The following PPP1R16B variants were observed in gnomAD, a reference collection of about 807,000 sequenced individuals.
PPP1R16B encodes the protein protein phosphatase 1 regulatory inhibitor subunit 16B.
A neutral mutation model predicts 61.7 loss-of-function variants in PPP1R16B; 14 were observed. That is an observed-to-expected ratio of 0.23 (90% confidence interval 0.15 to 0.35). The LOEUF (loss-of-function observed/expected upper bound fraction) is 0.35, where lower values mean the gene tolerates loss of function less well. Among genes scored for constraint, PPP1R16B ranks in the 10% least tolerant of loss-of-function variants. The pLI is 1.00. For missense variants in PPP1R16B, 547 were observed against 752.5 expected (o/e 0.73, Z 3.19); for synonymous variants, 266 against 305.3 (o/e 0.87, Z 1.34).
intron 1 of PPP1R16B, among the ~76,000 whole-genome samples, chr20:38,809,592 T>G (rs2084684989): frequency 6.6e-6 from 1 of 152,042 alleles, no homozygotes; most frequent in African/African-American, 2.4e-5. Context: ...ACCTTGTAGC[T>G]GGGTGAGGAT....
intron 2 of PPP1R16B, among the ~76,000 whole-genome samples, chr20:38,841,809 C>T (rs952366918): frequency 1.3e-5 from 2 of 152,082 alleles, no homozygotes; most frequent in African/African-American, 4.8e-5. Context: ...ATAGATATTC[C>T]GCATTTTGTT....
chr20:38,911,130 G>A (rs2085485445), intron 10 of PPP1R16B, among the ~76,000 whole-genome samples: 1 of 151,604 alleles, frequency 6.6e-6, no homozygotes, highest in Admixed American at 6.6e-5. Context: ...ATAGGCACGA[G>A]CCACTGTACC....
chr20:38,891,996 T>G (rs1045357224), intron 3 of PPP1R16B, among the ~76,000 whole-genome samples: 1 of 152,168 alleles, frequency 6.6e-6, no homozygotes, highest in Non-Finnish European at 1.5e-5. Context: ...ATTTTGAAGT[T>G]TATTTAATTT....
chr20:38,897,136 A>T (rs1025455298), intron 4 of PPP1R16B, among the ~76,000 whole-genome samples: 25 of 151,940 alleles, frequency 1.6e-4, no homozygotes, highest in Non-Finnish European at 2.9e-4. Flanking sequence ...ACAAGAGCAA[A>T]ACTGCACCTC....
intron 2 of PPP1R16B, among the ~76,000 whole-genome samples, chr20:38,882,822 A>G (rs752273001): frequency 6.6e-6 from 1 of 152,186 alleles, no homozygotes; most frequent in Admixed American, 6.5e-5. Context: ...AAGGATGAAG[A>G]AGAGTTTGCC....
At chr20:38,900,712 G>A in intron 5 of PPP1R16B, 28 bp downstream of exon 5, 2 of 1,520,784 alleles carry the variant, frequency 1.3e-6, no homozygotes, top group Non-Finnish European at 1.8e-6. Context: ...GCTATGAAGT[G>A]AGCACAGCAC....
chr20:38,824,490 C>CT (rs1295767325), intron 1 of PPP1R16B, among the ~76,000 whole-genome samples: 18 of 152,302 alleles, frequency 1.2e-4, no homozygotes, highest in African/African-American at 4.3e-4. Context: ...TCTCCTTCTG[C>CT]TTTTTATGGG....
Position 38,835,819 on chromosome 20 carries a change from C to T in PPP1R16B, c.-101-6C>T. On this transcript the variant is annotated splice_region_variant and splice_polypyrimidine_tract_variant and intron_variant, in intron 1 of 10. Transcript: ENST00000299824. The stretch of plus-strand genomic sequence containing the variant: ...GTGTTCATCTGTGTCTCCCTCCCTG[C>T]CACAGGCCACACCATGAGGCCCCAG... 1 of 1,315,418 alleles carries T rather than the reference C, an allele frequency of 7.6e-7. No individual in the cohort carries two copies. Among genetic ancestry groups the T allele is most frequent in the Non-Finnish European group, 1.0e-6 (1 of 989,782 alleles). 81.5% of individuals were successfully genotyped at this position (1,315,418 alleles called of 1,614,324 possible).
intron 3 of PPP1R16B, among the ~76,000 whole-genome samples, chr20:38,890,728 G>T (rs2085285978): frequency 6.6e-6 from 1 of 152,196 alleles, no homozygotes; most frequent in Admixed American, 6.5e-5. Context: ...CTCAATATGT[G>T]CATGTTGAAT....
At chr20:38,904,174 A>G (rs1347289341) in intron 6 of PPP1R16B, among the ~76,000 whole-genome samples, 1 of 152,224 alleles carries the variant, frequency 6.6e-6, no homozygotes, top group Non-Finnish European at 1.5e-5. Context: ...GGGGTCAGGT[A>G]GGAAGTCTGA....
intron 1 of PPP1R16B, among the ~76,000 whole-genome samples, chr20:38,825,011 C>T (rs1388183704): frequency 6.6e-6 from 1 of 152,216 alleles, no homozygotes; most frequent in East Asian, 1.9e-4. Context: ...AATTCTATAC[C>T]AACTACTTCC....
chr20:38,851,725 T>C (rs1335694599), intron 2 of PPP1R16B, among the ~76,000 whole-genome samples: 1 of 150,986 alleles, frequency 6.6e-6, no homozygotes, highest in Non-Finnish European at 1.5e-5. Flanking sequence ...ATGGTGTTAT[T>C]ATAAAGAAGG....
intron 1 of PPP1R16B, among the ~76,000 whole-genome samples, chr20:38,817,350 G>A (rs550604812): frequency 2.0e-5 from 3 of 151,930 alleles, no homozygotes; most frequent in Admixed American, 1.3e-4. Flanking sequence ...ATCACCTTAG[G>A]TCAGGAGTTC....
At chr20:38,854,732 G>A (rs1347193740) in intron 2 of PPP1R16B, among the ~76,000 whole-genome samples, 1 of 152,162 alleles carries the variant, frequency 6.6e-6, no homozygotes, top group Non-Finnish European at 1.5e-5. Context: ...GGAGGGGAGT[G>A]GGTCACCGTG....
chr20:38,891,300 C>T (rs1238667151), intron 3 of PPP1R16B, among the ~76,000 whole-genome samples: 1 of 152,164 alleles, frequency 6.6e-6, no homozygotes, highest in African/African-American at 2.4e-5. Flanking sequence ...GTTTCCTCAT[C>T]TCTAAAAGAG....
At chr20:38,831,619 G>A (rs754026163) in intron 1 of PPP1R16B, among the ~76,000 whole-genome samples, 1 of 151,856 alleles carries the variant, frequency 6.6e-6, no homozygotes, top group Admixed American at 6.5e-5. Flanking sequence ...GAGCGTATGT[G>A]CCCTATCTAA....
chr20:38,900,789 G>A (rs995077661), intron 5 of PPP1R16B, 105 bp downstream of exon 5: 9 of 780,370 alleles, frequency 1.2e-5, no homozygotes, highest in East Asian at 3.2e-5. Flanking sequence ...GGCCTGCCTC[G>A]TGCGCTGTGC....
At position 38,921,193 on chromosome 20, in the gene PPP1R16B, G is replaced by C. The variant is rs762126613; in HGVS notation, c.*2527G>C. 2.0e-5 allele frequency: 3 copies of C among 152,190 alleles called. No individual in the cohort carries two copies. The highest frequency in any genetic ancestry group is 4.4e-5 in the Non-Finnish European group (3 of 68,044). 9.4% of individuals were successfully genotyped at this position (152,190 alleles called of 1,614,324 possible). A position where few individuals can be genotyped will look rare whatever the true frequency, so the allele number is the denominator to read the frequency against. On this transcript the variant is annotated 3_prime_UTR_variant, in exon 11 of 11. Coordinates refer to ENST00000299824, the MANE Select transcript of PPP1R16B (RefSeq NM_015568.4). Reference sequence around the variant, plus strand: ...GCATTGGCTCATGTTTTCAGCCAGGGATAAACCATCCCTTCTTGGGGCTTT... The same window carrying C: ...GCATTGGCTCATGTTTTCAGCCAGGCATAAACCATCCCTTCTTGGGGCTTT...
intron 1 of PPP1R16B, among the ~76,000 whole-genome samples, chr20:38,815,361 C>G (rs930106308): frequency 6.6e-6 from 1 of 152,204 alleles, no homozygotes; most frequent in Non-Finnish European, 1.5e-5. Flanking sequence ...ATCTTTAAGG[C>G]TATCTGATAG....
Sources: allele counts gnomAD v4.1 joint callset (sites outside exome capture counted in the v4.1 genomes callset), GRCh38; gene constraint gnomAD v4.1.1; transcripts MANE v1.5; gene names NCBI Gene and HGNC (gene_info 2026-07-23, HGNC 2026-07-21).